Variants in AFF3 observed in about 807,000 individuals in gnomAD.
AFF3 encodes AF4/FMR2 family member 3.
Under a neutral mutation model 129.7 loss-of-function variants are expected in AFF3, and 32 were observed. That is an observed-to-expected ratio of 0.25 (90% CI 0.19 to 0.33). AFF3 has a LOEUF of 0.33. AFF3 is among the 10% of genes least tolerant of loss of function. AFF3 has a pLI of 1.00. For synonymous variants in AFF3, 644 were observed against 635.4 expected (o/e 1.01, Z -0.20); for missense variants, 1,373 against 1,592.0 (o/e 0.86, Z 2.34).
At chr2:99,925,381 T>C (rs6717015) in intron 7 of AFF3, among the ~76,000 whole-genome samples, 4,413 of 152,314 alleles carry the variant, frequency 0.029, 205 homozygotes, top group African/African-American at 0.098. Context: ...TATGTTTATA[T>C]GCAAGCCCTT....
intron 12 of AFF3, among the ~76,000 whole-genome samples, chr2:99,657,418 C>A (rs1685847591): frequency 6.6e-6 from 1 of 152,196 alleles, no homozygotes; most frequent in South Asian, 2.1e-4. Flanking sequence ...CCGTCTGCCT[C>A]ATGACAATTT....
intron 7 of AFF3, among the ~76,000 whole-genome samples, chr2:99,860,755 T>TA (rs1480960318): frequency 4.0e-5 from 6 of 151,346 alleles, no homozygotes; most frequent in Non-Finnish European, 1.5e-5. Flanking sequence ...AATTGACAGA[T>TA]AAAAGTAGTG....
intron 4 of AFF3, among the ~76,000 whole-genome samples, chr2:100,093,096 C>A (rs1689993135): frequency 6.6e-6 from 1 of 152,206 alleles, no homozygotes; most frequent in South Asian, 2.1e-4. Context: ...TATTTTAGGG[C>A]TCTAAAACAT....
intron 8 of AFF3, among the ~76,000 whole-genome samples, chr2:99,823,937 C>T (rs1312942069): frequency 2.0e-5 from 3 of 151,986 alleles, no homozygotes; most frequent in Non-Finnish European, 4.4e-5. Context: ...CGATAGACAC[C>T]GGGGACTACC....
intron 8 of AFF3, among the ~76,000 whole-genome samples, chr2:99,772,508 A>C (rs1357335540): frequency 6.6e-6 from 1 of 152,184 alleles, no homozygotes; most frequent in Admixed American, 6.5e-5. Flanking sequence ...TTGCTCTGGA[A>C]ATCTTGTATC....
chr2:100,028,540 T>C (rs1684233001), intron 4 of AFF3, among the ~76,000 whole-genome samples: 1 of 152,164 alleles, frequency 6.6e-6, no homozygotes, highest in Admixed American at 6.5e-5. Flanking sequence ...GTTTACATTA[T>C]ATAAATGGAT....
rs70940180 is a variant in AFF3 at position 99,618,224 on chromosome 2, C to CTTTTTTT, written c.1185-16610_1185-16604dup. ...TAGATGAGAAAATGCTCATAACATT[C>CTTTTTTT]TTTTTTTTTTTTTTTTTTTTTTTTT... On this transcript the variant is annotated intron_variant, in intron 13 of 24. Transcript: ENST00000672756. Among the ~76,000 whole-genome samples, 71 of 80,084 alleles carry CTTTTTTT rather than the reference C, an allele frequency of 8.9e-4. 9 individuals carry two copies. Among genetic ancestry groups the CTTTTTTT allele is most frequent in the East Asian group, 2.1e-3 (5 of 2,358 alleles). 52.5% of individuals were successfully genotyped at this position (80,084 alleles called of 152,430 possible). A position where few individuals can be genotyped will look rare whatever the true frequency, so the allele number is the denominator to read the frequency against.
chr2:100,037,222 A>G (rs933995614), intron 4 of AFF3, among the ~76,000 whole-genome samples: 1 of 151,828 alleles, frequency 6.6e-6, no homozygotes, highest in Non-Finnish European at 1.5e-5. Flanking sequence ...TGGTATATTT[A>G]TGTAATGTAG....
chr2:99,752,375 G>T, intron 8 of AFF3, 74 bp from the exon 9 acceptor site: 2 of 1,264,470 alleles, frequency 1.6e-6, no homozygotes, highest in Non-Finnish European at 2.3e-6. Flanking sequence ...TAAAGCAGCT[G>T]TACAAGTGGG....
intron 13 of AFF3, among the ~76,000 whole-genome samples, chr2:99,607,346 CATAG>C (rs1400876221): frequency 2.6e-5 from 4 of 152,052 alleles, no homozygotes; most frequent in Non-Finnish European, 4.4e-5. Flanking sequence ...GCCCGGCCAA[CATAG>C]TAAAACCCCG....
intron 8 of AFF3, among the ~76,000 whole-genome samples, chr2:99,766,261 G>A (rs1683005634): frequency 6.6e-6 from 1 of 152,238 alleles, no homozygotes; most frequent in Non-Finnish European, 1.5e-5. Flanking sequence ...TCCTGCCGAA[G>A]GCACATGCCT....
intron 11 of AFF3, among the ~76,000 whole-genome samples, chr2:99,697,667 AG>A (rs1018877941): frequency 3.3e-5 from 5 of 152,242 alleles, no homozygotes; most frequent in Non-Finnish European, 5.9e-5. Context: ...AACACCTTTT[AG>A]GGTCTGACAT....
At chr2:99,899,070 G>GA (rs1327515772) in intron 7 of AFF3, among the ~76,000 whole-genome samples, 5 of 152,202 alleles carry the variant, frequency 3.3e-5, no homozygotes, top group Non-Finnish European at 1.5e-5. Flanking sequence ...TGGGCACACA[G>GA]ATTGTCTTAA....
chr2:99,948,037 G>T (rs773891823), intron 7 of AFF3, among the ~76,000 whole-genome samples: 5 of 152,082 alleles, frequency 3.3e-5, no homozygotes, highest in Non-Finnish European at 7.4e-5. Flanking sequence ...AGCCAAGAAG[G>T]TTGTGACAAT....
intron 11 of AFF3, among the ~76,000 whole-genome samples, chr2:99,677,553 G>A (rs1164739502): frequency 2.0e-5 from 3 of 152,230 alleles, no homozygotes; most frequent in South Asian, 2.1e-4. Flanking sequence ...TTCCTGACAC[G>A]CAGACAAGGA....
chr2:99,893,548 T>C (rs1693725849), intron 7 of AFF3, among the ~76,000 whole-genome samples: 1 of 152,242 alleles, frequency 6.6e-6, no homozygotes, highest in South Asian at 2.1e-4. Context: ...CAAAGGTGGC[T>C]GTCTGCAAGT....
chr2:99,626,472 C>T (rs1378753737), intron 13 of AFF3, among the ~76,000 whole-genome samples: 1 of 65,232 alleles, frequency 1.5e-5, no homozygotes, highest in African/African-American at 4.3e-5. Context: ...TTCCTCCCTC[C>T]CTCCCTCTCC....
Position 99,672,603 on chromosome 2 carries a change from CAA to C in AFF3, c.1092-16_1092-15del. 6.2e-7 allele frequency: 1 copy of C among 1,608,102 alleles called. No homozygotes were observed. The highest frequency in any genetic ancestry group is 8.5e-7 in the Non-Finnish European group (1 of 1,174,618). On this transcript the variant is annotated splice_polypyrimidine_tract_variant and intron_variant, in intron 11 of 24. Coordinates refer to ENST00000672756, the MANE Select transcript of AFF3 (RefSeq NM_001386135.1). ...TCTTCCAGCATTCTGAAAGAAGGAA[CAA>C]AGAGGTACAAAGAGGTACAGATAGT... is the stretch of plus-strand genomic sequence containing the variant.
At chr2:99,635,347 G>C (rs1251763564) in intron 13 of AFF3, among the ~76,000 whole-genome samples, 1 of 151,920 alleles carries the variant, frequency 6.6e-6, no homozygotes, top group Non-Finnish European at 1.5e-5. Context: ...ACTCAGGCTG[G>C]AGTGCAGTAG....
Sources: gnomAD v4.1 joint callset for allele counts (sites outside exome capture counted in the v4.1 genomes callset) on GRCh38, gnomAD v4.1.1 for gene constraint, MANE v1.5 for transcripts, NCBI Gene and HGNC (gene_info 2026-07-23, HGNC 2026-07-21) for gene names.